The following RFC2 variants were observed in gnomAD, a reference collection of about 807,000 sequenced individuals.
RFC2 encodes the protein A1 40 kDa subunit.
RFC2 carries 34 observed loss-of-function variants against 44.8 expected under a neutral mutation model. The observed-to-expected ratio is 0.76, with a 90% CI of 0.58 to 1.01. RFC2 has a LOEUF of 1.01. Ranked by LOEUF, RFC2 falls within the 50% of genes least tolerant of loss-of-function variation. RFC2 has a pLI of 0.00. For missense variants in RFC2, 400 were observed against 453.6 expected, an observed-to-expected ratio of 0.88 and a Z score of 1.07; for synonymous variants, 177 against 168.9, an observed-to-expected ratio of 1.05 and a Z score of -0.37.
chr7:74,241,752 G>A (rs1157792610), intron 6 of RFC2, among the ~76,000 whole-genome samples: 1 of 152,220 alleles, frequency 6.6e-6, no homozygotes, highest in Non-Finnish European at 1.5e-5. Context: ...TTGAGGCCAG[G>A]CGTTCTAGAC....
intron 6 of RFC2, 132 bp downstream of exon 6, chr7:74,243,014 T>G (rs1584254658): frequency 3.3e-6 from 2 of 608,020 alleles, no homozygotes; most frequent in East Asian, 2.9e-5. Flanking sequence ...AGCACAGGAG[T>G]TTGAGGCTGC....
At chr7:74,243,590 C>T (rs1480431078) in intron 5 of RFC2, among the ~76,000 whole-genome samples, 1 of 151,446 alleles carries the variant, frequency 6.6e-6, no homozygotes, top group African/African-American at 2.4e-5. Flanking sequence ...ACTTTTCTTT[C>T]TTCCTTTTTT....
At position 74,231,976 on chromosome 7, in the gene RFC2, G is replaced by A; in HGVS notation, c.*130C>T. 1.5e-6 allele frequency: 1 copy of A among 657,618 alleles called. No homozygotes were observed. Among genetic ancestry groups the A allele is most frequent in the South Asian group, 1.8e-5 (1 of 55,452 alleles). 40.7% of individuals were successfully genotyped at this position (657,618 alleles called of 1,614,324 possible). ...ATTACAGGCGTGAGCTACCGTGCCT[G>A]GCCAGCCACTGGAGTTTAAAGGACA... On this transcript the variant is annotated 3_prime_UTR_variant, in exon 11 of 11. Transcript: ENST00000055077.
At chr7:74,237,227 C>A in intron 9 of RFC2, 135 bp downstream of exon 9, 1 of 609,098 alleles carries the variant, frequency 1.6e-6, no homozygotes, top group South Asian at 2.0e-5. Context: ...AATCCTCCTG[C>A]CTCAGTCTCC....
chr7:74,254,182 C>T, intron 1 of RFC2, 89 bp downstream of exon 1: 1 of 989,556 alleles, frequency 1.0e-6, no homozygotes, highest in Non-Finnish European at 1.6e-6. Flanking sequence ...AAAACGAGCC[C>T]CTGACCCCCG....
chr7:74,242,406 G>T (rs1245697168), intron 6 of RFC2, among the ~76,000 whole-genome samples: 6 of 151,966 alleles, frequency 3.9e-5, no homozygotes, highest in African/African-American at 1.5e-4. Context: ...TAAACATCAG[G>T]ATAAGCTCCA....
At chr7:74,247,501 G>A (rs534779771) in intron 4 of RFC2, among the ~76,000 whole-genome samples, 4 of 152,186 alleles carry the variant, frequency 2.6e-5, no homozygotes, top group Admixed American at 6.5e-5. Context: ...TTACCTGGGC[G>A]TGCCCGCGCA....
intron 9 of RFC2, 143 bp from the exon 10 acceptor site, chr7:74,235,788 T>G (rs936755884): frequency 1.0e-4 from 64 of 636,732 alleles, no homozygotes; most frequent in Non-Finnish European, 1.3e-4. Flanking sequence ...GATAGAGAGA[T>G]AACATTGCAA....
chr7:74,251,211 C>T (rs1171393613), intron 2 of RFC2, among the ~76,000 whole-genome samples: 9 of 152,102 alleles, frequency 5.9e-5, no homozygotes, highest in Admixed American at 3.9e-4. Flanking sequence ...AGTGCAGTGG[C>T]GTGATCATAG....
chr7:74,240,080 C>T lies in RFC2; in HGVS notation c.551G>A (p.Arg184His). 2 of 1,613,846 alleles carry T rather than the reference C, an allele frequency of 1.2e-6. No homozygotes were observed. The highest frequency in any genetic ancestry group is 1.7e-6 in the Non-Finnish European group (2 of 1,179,862). ...CTTTGTGTACCGGAGGACTGCACAG[C>T]GGGACTGAATGGGCTCTGAACAGAG... ...SDKIIEPIQS[R>H]CAVLRYTKLT... is the part of the protein sequence containing the mutation. Residue 184 changes from arginine (R) to histidine (H), a missense_variant, in exon 7 of 11, where the codon CGC becomes CAC. Transcript: ENST00000055077.
At chr7:74,245,485 G>A (rs1305474454) in intron 5 of RFC2, among the ~76,000 whole-genome samples, 1 of 151,044 alleles carries the variant, frequency 6.6e-6, no homozygotes, top group Non-Finnish European at 1.5e-5. Flanking sequence ...GGCCGAGGCG[G>A]GCGGATCATG....
chr7:74,247,298 G>T lies in RFC2; in HGVS notation c.333-535C>A, dbSNP rs78024044. Among the ~76,000 whole-genome samples, 548 of 152,166 alleles carry T rather than the reference G, an allele frequency of 3.6e-3. 1 individual carries two copies. Among genetic ancestry groups the T allele is most frequent in the Non-Finnish European group, 5.8e-3 (392 of 68,012 alleles). On this transcript the variant is annotated intron_variant, in intron 4 of 10. Coordinates refer to ENST00000055077, the MANE Select transcript of RFC2 (RefSeq NM_181471.3). Reference sequence around the variant, plus strand: ...CATTCTCTACCCACAACAGGAAAGAGAAAAAAATTGAGAGGAGGACTCTTC... The same window carrying T: ...CATTCTCTACCCACAACAGGAAAGATAAAAAAATTGAGAGGAGGACTCTTC...
intron 1 of RFC2, among the ~76,000 whole-genome samples, chr7:74,254,014 A>C (rs1787130655): frequency 1.3e-5 from 2 of 152,214 alleles, no homozygotes; most frequent in South Asian, 4.1e-4. Context: ...ACTAGGTCAG[A>C]GTAGGTGGCC....
intron 2 of RFC2, among the ~76,000 whole-genome samples, chr7:74,251,836 G>T (rs1433693764): frequency 7.1e-6 from 1 of 140,900 alleles, no homozygotes; most frequent in Non-Finnish European, 1.5e-5. Flanking sequence ...GGTGGTTCAC[G>T]CCTGTAATCC....
At chr7:74,243,448 C>G (rs1185526382) in intron 5 of RFC2, among the ~76,000 whole-genome samples, 1 of 152,054 alleles carries the variant, frequency 6.6e-6, no homozygotes, top group Non-Finnish European at 1.5e-5. Flanking sequence ...GTACCTACAG[C>G]ATCAGAACAA....
At chr7:74,253,246 G>A (rs1787074485) in intron 1 of RFC2, among the ~76,000 whole-genome samples, 1 of 150,558 alleles carries the variant, frequency 6.6e-6, no homozygotes, top group Non-Finnish European at 1.5e-5. Flanking sequence ...TGGAGACAGA[G>A]TTTTGCTCTT....
intron 5 of RFC2, among the ~76,000 whole-genome samples, chr7:74,246,328 G>A (rs1803604773): frequency 6.6e-6 from 1 of 151,944 alleles, no homozygotes. Context: ...GAACCCGGGA[G>A]GCGGAGGTTG....
At chr7:74,250,169 A>C (rs978135008) in intron 2 of RFC2, among the ~76,000 whole-genome samples, 3 of 151,040 alleles carry the variant, frequency 2.0e-5, no homozygotes, top group African/African-American at 7.4e-5. Flanking sequence ...AAAAAAAAAA[A>C]CACAAAACCT....
chr7:74,241,915 G>A (rs575784259), intron 6 of RFC2, among the ~76,000 whole-genome samples: 22 of 152,174 alleles, frequency 1.4e-4, no homozygotes, highest in Non-Finnish European at 2.6e-4. Context: ...AGCTGAAATC[G>A]CAACACTGCA....
Sources: gnomAD v4.1 joint callset for allele counts (sites outside exome capture counted in the v4.1 genomes callset) on GRCh38, gnomAD v4.1.1 for gene constraint, MANE v1.5 for transcripts, NCBI Gene and HGNC (gene_info 2026-07-23, HGNC 2026-07-21) for gene names.